The following FAT1 variants were observed in gnomAD, a reference collection of about 807,000 sequenced individuals.
The protein encoded by FAT1 is FAT atypical cadherin 1.
Under a neutral mutation model 329.8 loss-of-function variants are expected in FAT1, and 171 were observed. The observed-to-expected ratio is 0.52, with a 90% CI of 0.46 to 0.59. The LOEUF is 0.59. Ranked by LOEUF, FAT1 falls within the 20% of genes least tolerant of loss-of-function variation. The pLI is 0.00. For missense variants in FAT1, 5,672 were observed against 5,774.4 expected (o/e 0.98, Z 0.57); for synonymous variants, 2,233 against 2,228.6 (o/e 1.00, Z -0.06).
At position 186,709,567 on chromosome 4, in the gene FAT1, C is replaced by T. The variant is rs374973332; in HGVS notation, c.261G>A (p.Glu87=). ...GDSENLFKAE[E]YILGDFCFLR... is the part of the protein sequence containing the mutation. ...GAAAGCAAAAGTCTCCGAGAATGTA[C>T]TCTTCAGCTTTGAACAGGTTTTCAC... Residue 87 remains glutamate, a synonymous_variant, in exon 2 of 27, where the codon GAG becomes GAA. Coordinates refer to ENST00000441802, the MANE Select transcript of FAT1 (RefSeq NM_005245.4). The T allele has an allele frequency of 2.5e-6, 4 of 1,614,042 alleles. No individual in the cohort carries two copies. Among genetic ancestry groups the T allele is most frequent in the Non-Finnish European group, 3.4e-6 (4 of 1,179,910 alleles).
rs2126427836 is a variant in FAT1, at chr4:186,603,412, T to C, written c.11114A>G (p.Gln3705Arg). 6.2e-7 allele frequency: 1 copy of C among 1,614,042 alleles called. No homozygotes were observed. Among genetic ancestry groups the C allele is most frequent in the South Asian group, 1.1e-5 (1 of 91,082 alleles). ...LLFVEKPGSA[Q>R]ISTKQLLHKI... is the part of the protein sequence containing the mutation. ...GTGCAGAAGTTGTTTTGTTGAGATCTGAGCACTACCTGGTTTCTCTACAAA... is the reference window on the plus strand; with the variant it reads ...GTGCAGAAGTTGTTTTGTTGAGATCCGAGCACTACCTGGTTTCTCTACAAA... The change falls in exon 19 of 27, where the codon CAG (glutamine) becomes CGG (arginine). Residue 3705 changes from glutamine to arginine, a missense_variant. This residue lies in a region of FAT1 where 1,706 missense variants were observed against 1,859.1 expected (regional missense o/e 0.92). Coordinates refer to ENST00000441802, the MANE Select transcript of FAT1 (RefSeq NM_005245.4).
At chr4:186,689,230 AAAG>A (rs1371700706) in intron 2 of FAT1, among the ~76,000 whole-genome samples, 2 of 152,248 alleles carry the variant, frequency 1.3e-5, no homozygotes, top group East Asian at 3.8e-4. Flanking sequence ...ACTTTCACAT[AAAG>A]AAGATTTGTA....
chr4:186,669,861 G>A (rs1024654114), intron 2 of FAT1, among the ~76,000 whole-genome samples: 1 of 152,082 alleles, frequency 6.6e-6, no homozygotes, highest in Non-Finnish European at 1.5e-5. Flanking sequence ...TCCAATAAAC[G>A]GTTCAAAAGT....
rs768453815 is a variant in FAT1, at chr4:186,588,782, T to A, written c.13577A>T (p.His4526Leu). The A allele has an allele frequency of 1.1e-5, 18 of 1,613,938 alleles. No homozygotes were observed. Among genetic ancestry groups the A allele is most frequent in the Non-Finnish European group, 1.4e-5 (17 of 1,179,884 alleles). The change falls in exon 27 of 27, where the codon CAC becomes CTC. Residue 4526 changes from histidine (H) to leucine (L), a missense_variant. His to Leu is a moderately conservative substitution (Grantham distance 99). Transcript: ENST00000441802. ...HAPYPPGYQR[H>L]FEAPAVESMP... ...GCTCTCGACAGCGGGCGCCTCGAAG[T>A]GTCTTTGATACCCTGGCGGGTAAGG...
chr4:186,720,277 TTC>T (rs1452337144), intron 1 of FAT1, among the ~76,000 whole-genome samples: 1 of 144,484 alleles, frequency 6.9e-6, no homozygotes, highest in Non-Finnish European at 1.6e-5. Flanking sequence ...TCTTCAACGT[TTC>T]TTTCTTTTTC....
rs372232002 is a variant in FAT1 at position 186,604,554 on chromosome 4, G to A, written c.10371C>T (p.Phe3457=). 41 of 1,609,780 alleles carry A rather than the reference G, an allele frequency of 2.5e-5. No individual in the cohort carries two copies. Among genetic ancestry groups the A allele is most frequent in the Non-Finnish European group, 3.1e-5 (37 of 1,178,404 alleles). Residue 3457 remains phenylalanine, a synonymous_variant, in exon 18 of 27, where the codon TTC becomes TTT. Coordinates refer to ENST00000441802, the MANE Select transcript of FAT1 (RefSeq NM_005245.4). ...CTGTTACTACCAGCTGCAGCACGCT[G>A]AAGCCCACTGGCTTATTTTCCTGCA... The part of the protein sequence containing the change: ...VIIQENKPVG[F]SVLQLVVTDE...
At position 186,695,777 on chromosome 4, in the gene FAT1, A is replaced by G. The variant is rs1028419901; in HGVS notation, c.3265+10786T>C. On this transcript the variant is annotated intron_variant, in intron 2 of 26. Coordinates refer to ENST00000441802, the MANE Select transcript of FAT1 (RefSeq NM_005245.4). ...ATATATAAAACACACACACACACAC[A>G]CACACACACACACACACACACACAC... Among the ~76,000 whole-genome samples the G allele has an allele frequency of 1.3e-5, 2 of 151,464 alleles. 1 individual carries two copies. Among genetic ancestry groups the G allele is most frequent in the African/African-American group, 4.8e-5 (2 of 41,254 alleles).
In FAT1 at chr4:186,677,463, C is replaced by A. The variant is rs139857838; in HGVS notation, c.3266-13850G>T. On this transcript the variant is annotated intron_variant, in intron 2 of 26. Coordinates refer to ENST00000441802, the MANE Select transcript of FAT1 (RefSeq NM_005245.4). Reference sequence around the variant, plus strand: ...CATCAATTTGTAAATGCATATTAATCCCATAACTCCCGTTTTCTAAATTCA... The same window carrying A: ...CATCAATTTGTAAATGCATATTAATACCATAACTCCCGTTTTCTAAATTCA... Among the ~76,000 whole-genome samples the A allele has an allele frequency of 2.0e-5, 3 of 151,324 alleles. No individual in the cohort carries two copies. In the East Asian group the frequency reaches 5.8e-4, roughly 29 times the overall value.
At chr4:186,724,736 C>T (rs1745656936), upstream of FAT1, among the ~76,000 whole-genome samples, 1 of 152,214 alleles carries the variant, frequency 6.6e-6, no homozygotes, top group Non-Finnish European at 1.5e-5. This position sits in a 1 kb window ranked among gnomAD's most constrained non-coding sequence, Gnocchi z 5.3. Flanking sequence ...CGGCGCAGGG[C>T]GGACTCGGCC....
At chr4:186,650,551 C>T (rs1166581882) in intron 3 of FAT1, among the ~76,000 whole-genome samples, 3 of 152,086 alleles carry the variant, frequency 2.0e-5, no homozygotes. Flanking sequence ...ATAAGTTAAT[C>T]AAAATTTTTT....
intron 6 of FAT1, among the ~76,000 whole-genome samples, chr4:186,634,546 G>A (rs1740740422): frequency 1.3e-5 from 2 of 151,974 alleles, no homozygotes; most frequent in South Asian, 2.1e-4. Flanking sequence ...CTAAAACCAC[G>A]GAGCTAGGTG....
intron 3 of FAT1, among the ~76,000 whole-genome samples, chr4:186,660,334 A>C (rs562669641): frequency 2.2e-4 from 34 of 152,200 alleles, no homozygotes; most frequent in Non-Finnish European, 4.1e-4. Flanking sequence ...GGGGGAAGAG[A>C]AGCATCTAGA....
At chr4:186,667,911 G>C (rs766363979) in intron 2 of FAT1, among the ~76,000 whole-genome samples, 4 of 152,112 alleles carry the variant, frequency 2.6e-5, no homozygotes, top group Non-Finnish European at 4.4e-5. Flanking sequence ...ACTGAGCGGT[G>C]GGCTGTTGCC....
chr4:186,706,558 T>C lies in FAT1; in HGVS notation c.3265+5A>G, dbSNP rs752682791. The C allele has an allele frequency of 7.9e-5, 125 of 1,584,974 alleles. No homozygotes were observed. Among genetic ancestry groups the C allele is most frequent in the Non-Finnish European group, 1.0e-4 (116 of 1,165,094 alleles). ...ATCAAATGAGAGCAATAAAAACATA[T>C]TTACCTGTCTCTTCACCTATTTTGA... On this transcript the variant is annotated splice_donor_5th_base_variant and intron_variant, in intron 2 of 26. Coordinates refer to ENST00000441802, the MANE Select transcript of FAT1 (RefSeq NM_005245.4).
chr4:186,682,155 C>T (rs1007051445), intron 2 of FAT1, among the ~76,000 whole-genome samples: 7 of 152,094 alleles, frequency 4.6e-5, no homozygotes, highest in African/African-American at 1.4e-4. Context: ...AGGTTGCCAC[C>T]CAGATTCAGG....
In FAT1 at chr4:186,709,119, T is replaced by C. The variant is rs1744812067; in HGVS notation, c.709A>G (p.Ile237Val). 1 of 1,613,820 alleles carries C rather than the reference T, an allele frequency of 6.2e-7. No homozygotes were observed. Among genetic ancestry groups the C allele is most frequent in the South Asian group, 1.1e-5 (1 of 91,090 alleles). Reference sequence around the variant, plus strand: ...ACCGTTAGCTTGGCCATGCTGCTGATGCCACTGCTCCCATACAACTTCATG... The same window carrying C: ...ACCGTTAGCTTGGCCATGCTGCTGACGCCACTGCTCCCATACAACTTCATG... ...RGMKLYGSSG[I>V]SSMAKLTVHI... The change falls in exon 2 of 27, where the codon ATC becomes GTC. Residue 237 changes from isoleucine (I) to valine (V), a missense_variant. Ile to Val is a conservative substitution (Grantham distance 29). This residue lies in a region of FAT1 where 3,966 missense variants were observed against 3,915.2 expected (regional missense o/e 1.01). Transcript: ENST00000441802.
intron 4 of FAT1, among the ~76,000 whole-genome samples, chr4:186,638,615 G>GCGCACA (rs1466868913): frequency 7.1e-6 from 1 of 139,940 alleles, no homozygotes; most frequent in African/African-American, 2.5e-5. Context: ...AGTTCCCAAT[G>GCGCACA]CACACACACA....
rs1293534393 is a variant in FAT1, at chr4:186,600,233, G to C, written c.11768C>G (p.Ala3923Gly). The change falls in exon 22 of 27, where the codon GCT becomes GGT. Residue 3923 changes from alanine to glycine, a missense_variant. Transcript: ENST00000441802. ...AVALEVNGNY[A>G]RLVLDQVHTA... ...ATGAACTTGGTCTAGAACCAAGCGAGCATAGTTTCCATTCACTTCCAGGGC... is the reference window on the plus strand; with the variant it reads ...ATGAACTTGGTCTAGAACCAAGCGACCATAGTTTCCATTCACTTCCAGGGC... 6.2e-7 allele frequency: 1 copy of C among 1,614,018 alleles called. No homozygotes were observed.
chr4:186,706,357 G>A (rs1744590176), intron 2 of FAT1, among the ~76,000 whole-genome samples: 1 of 152,000 alleles, frequency 6.6e-6, no homozygotes. Context: ...AAATCACTCA[G>A]GCCCTTTTGT....
Sources: gnomAD v4.1 joint callset for allele counts (sites outside exome capture counted in the v4.1 genomes callset) on GRCh38, gnomAD v4.1.1 for gene constraint, gnomAD v4.1.1 regional missense constraint, Gnocchi (gnomAD v3.1) non-coding constraint, MANE v1.5 for transcripts, NCBI Gene and HGNC (gene_info 2026-07-23, HGNC 2026-07-21) for gene names.